The following PRKAR1B variants were observed in gnomAD, a reference collection of about 807,000 sequenced individuals.
PRKAR1B encodes protein kinase cAMP-dependent type I regulatory subunit beta, also known as cAMP-dependent protein kinase type I-beta regulatory subunit.
Under a neutral mutation model 46.5 loss-of-function variants are expected in PRKAR1B, and 22 were observed. The observed-to-expected ratio is 0.47, with a 90% CI of 0.34 to 0.68. PRKAR1B has a LOEUF of 0.68. Ranked by LOEUF, PRKAR1B falls within the 30% of genes least tolerant of loss-of-function variation. The pLI, the probability that PRKAR1B is intolerant of heterozygous loss-of-function variation, is 0.01. For synonymous variants in PRKAR1B, 259 were observed against 217.7 expected (o/e 1.19, Z -1.67); for missense variants, 445 against 535.6 (o/e 0.83, Z 1.67).
intron 9 of PRKAR1B, among the ~76,000 whole-genome samples, chr7:575,128 G>A (rs1264188494): frequency 1.3e-5 from 2 of 152,244 alleles, no homozygotes; most frequent in Non-Finnish European, 2.9e-5. Context: ...GAGGGGCTCA[G>A]CCGGGCGGTT....
rs949298930 is a variant in PRKAR1B at position 596,172 on chromosome 7, G to A, written c.682C>T (p.Arg228Trp). 4.3e-6 allele frequency: 7 copies of A among 1,613,880 alleles called. No individual in the cohort carries two copies. Among genetic ancestry groups the A allele is most frequent in the East Asian group, 2.2e-5 (1 of 44,876 alleles). ...KTDLKLWGID[R>W]DSYRRILMGS... ...ATAAGGATGCGCCGGTAGCTGTCCC[G>A]GTCGATCCCCCAGAGCTTGAGGTCC... Residue 228 changes from arginine to tryptophan, a missense_variant, in exon 7 of 11, where the codon CGG becomes TGG. Arg to Trp is a moderately radical substitution (Grantham distance 101). Around this residue, in one of 5 missense-constraint regions of PRKAR1B, gnomAD observed 51 missense variants for 85.1 expected, o/e 0.60. Transcript: ENST00000537384.
chr7:577,079 C>T (rs1562531507), intron 9 of PRKAR1B, among the ~76,000 whole-genome samples: 1 of 151,866 alleles, frequency 6.6e-6, no homozygotes. Flanking sequence ...ATGCCATCAG[C>T]GGCCTCATCC....
At chr7:592,039 C>T (rs1055534123) in intron 7 of PRKAR1B, among the ~76,000 whole-genome samples, 31 of 152,202 alleles carry the variant, frequency 2.0e-4, no homozygotes, top group Admixed American at 1.9e-3. Context: ...GAGCAGGGGT[C>T]GCCAGCTGTG....
intron 2 of PRKAR1B, among the ~76,000 whole-genome samples, chr7:699,902 T>C (rs938625066): frequency 6.6e-6 from 1 of 152,034 alleles, no homozygotes; most frequent in African/African-American, 2.4e-5. Context: ...CTGTGACTGA[T>C]ATGGAAAATG....
chr7:583,808 T>A (rs1406989272), intron 8 of PRKAR1B, among the ~76,000 whole-genome samples: 1 of 49,456 alleles, frequency 2.0e-5, no homozygotes, highest in Non-Finnish European at 4.4e-5. Context: ...ACATGCACAC[T>A]CATGCACACA....
rs75745417 is a variant in PRKAR1B at position 551,951 on chromosome 7, G to A, written c.892-481C>T. ...CCACCCAAACCCCCACCTCCCGCCC[G>A]GGTCCTTCCCTCGGCGCCACTGCCA... is the stretch of plus-strand genomic sequence containing the variant. On this transcript the variant is annotated intron_variant, in intron 9 of 10. Coordinates refer to ENST00000537384, the MANE Select transcript of PRKAR1B (RefSeq NM_001164760.2). Among the ~76,000 whole-genome samples, 39 of 43,188 alleles carry A rather than the reference G, an allele frequency of 9.0e-4. 1 individual carries two copies. Among genetic ancestry groups the A allele is most frequent in the Middle Eastern group, 0.015 (1 of 68 alleles). 28.3% of individuals were successfully genotyped at this position (43,188 alleles called of 152,430 possible). A position where few individuals can be genotyped will look rare whatever the true frequency, so the allele number is the denominator to read the frequency against.
intron 8 of PRKAR1B, among the ~76,000 whole-genome samples, 156 bp downstream of exon 8, chr7:584,352 G>A (rs528142142): frequency 7.9e-5 from 12 of 152,364 alleles, no homozygotes; most frequent in Middle Eastern, 3.4e-3. Flanking sequence ...CTGTGCACGT[G>A]TCTGTGCGTG....
At chr7:647,818 A>AAC (rs1410937068) in intron 4 of PRKAR1B, among the ~76,000 whole-genome samples, 1 of 150,968 alleles carries the variant, frequency 6.6e-6, no homozygotes, top group African/African-American at 2.4e-5. Context: ...AAAAAAAAAA[A>AAC]AAAAAAAAAA....
intron 4 of PRKAR1B, among the ~76,000 whole-genome samples, chr7:646,115 A>T (rs1212239971): frequency 6.6e-6 from 1 of 152,028 alleles, no homozygotes; most frequent in Non-Finnish European, 1.5e-5. Flanking sequence ...GTGCAATCAT[A>T]GCTCACTGAA....
chr7:715,785 T>TG (rs1780852176), intron 1 of PRKAR1B, among the ~76,000 whole-genome samples: 2 of 151,550 alleles, frequency 1.3e-5, no homozygotes, highest in Admixed American at 6.6e-5. Flanking sequence ...GCGTGATCTC[T>TG]GCTCACTGCA....
rs145343670 is a variant in PRKAR1B, at chr7:619,109, T to C, written c.441-11657A>G. Reference sequence around the variant, plus strand: ...GTTGGCCCTAACTCAATATGATTGGTGTCCTTATAAAAAGAGGAGACTTGG... The same window carrying C: ...GTTGGCCCTAACTCAATATGATTGGCGTCCTTATAAAAAGAGGAGACTTGG... On this transcript the variant is annotated intron_variant, in intron 4 of 10. Transcript: ENST00000537384. Among the ~76,000 whole-genome samples the C allele has an allele frequency of 1.1e-4, 17 of 152,258 alleles. No individual in the cohort carries two copies. The East Asian group carries it at 3.3e-3, about 29-fold the overall frequency.
chr7:688,344 C>T (rs1055983338), intron 2 of PRKAR1B, among the ~76,000 whole-genome samples: 16 of 150,930 alleles, frequency 1.1e-4, no homozygotes, highest in African/African-American at 3.4e-4. Flanking sequence ...GTGGAGGTTG[C>T]GGTGAGCCAA....
chr7:583,515 ACACGCGTGCACACACC>A (rs1780376037), intron 8 of PRKAR1B, among the ~76,000 whole-genome samples: 1 of 146,942 alleles, frequency 6.8e-6, no homozygotes. Context: ...ACACACCCAC[ACACGCGTGCACACACC>A]CACTCACACA....
At chr7:623,217 T>C (rs1783204127) in intron 4 of PRKAR1B, among the ~76,000 whole-genome samples, 2 of 152,230 alleles carry the variant, frequency 1.3e-5, no homozygotes, top group Non-Finnish European at 1.5e-5. Flanking sequence ...AACTCAGTCC[T>C]GGCATCATGG....
chr7:635,702 G>A (rs1183586019), intron 4 of PRKAR1B, among the ~76,000 whole-genome samples: 1 of 152,132 alleles, frequency 6.6e-6, no homozygotes, highest in Non-Finnish European at 1.5e-5. Flanking sequence ...CTTTGAGCAG[G>A]GGAGAGAAGG....
chr7:655,105 T>G (rs1020137003), intron 4 of PRKAR1B, among the ~76,000 whole-genome samples: 9 of 152,230 alleles, frequency 5.9e-5, no homozygotes, highest in Non-Finnish European at 1.0e-4. Context: ...TTTCCACTTC[T>G]GCCCTTGTCC....
At chr7:639,079 A>AGAT in intron 4 of PRKAR1B, among the ~76,000 whole-genome samples, 1 of 144,096 alleles carries the variant, frequency 6.9e-6, no homozygotes, top group African/African-American at 2.6e-5. Context: ...CTCTGTCTCA[A>AGAT]AAAGATAAAT....
chr7:718,627 G>A (rs954498778), intron 1 of PRKAR1B, among the ~76,000 whole-genome samples: 1 of 151,958 alleles, frequency 6.6e-6, no homozygotes, highest in Non-Finnish European at 1.5e-5. Flanking sequence ...AAAGTGCTGG[G>A]ATTATAGACG....
intron 10 of PRKAR1B, 63 bp from the exon 11 acceptor site, chr7:550,665 A>C: frequency 1.4e-6 from 2 of 1,404,450 alleles, no homozygotes; most frequent in Non-Finnish European, 9.5e-7. Context: ...GCAGGGAAAG[A>C]TTATGTCCAG....
Sources: allele counts gnomAD v4.1 joint callset (sites outside exome capture counted in the v4.1 genomes callset), GRCh38; gene constraint gnomAD v4.1.1; regional missense constraint gnomAD v4.1.1; transcripts MANE v1.5; gene names NCBI Gene and HGNC (gene_info 2026-07-23, HGNC 2026-07-21).